Variants in ANTXR2 observed in about 807,000 individuals in gnomAD.
ANTXR2 encodes the protein ANTXR cell adhesion molecule 2, also known as anthrax toxin receptor 2.
ANTXR2 carries 44 observed loss-of-function variants against 73.7 expected under a neutral mutation model. The ratio of observed to expected loss-of-function variants is 0.60; its 90% confidence interval spans 0.47 to 0.77. The LOEUF (loss-of-function observed/expected upper bound fraction) is 0.77, where lower values mean the gene tolerates loss of function less well. Among genes scored for constraint, ANTXR2 ranks in the 30% least tolerant of loss-of-function variants. ANTXR2 has a pLI of 0.00. For missense variants in ANTXR2, 604 were observed against 592.5 expected, an observed-to-expected ratio of 1.02 and a Z score of -0.20; for synonymous variants, 217 against 205.9, an observed-to-expected ratio of 1.05 and a Z score of -0.46.
intron 16 of ANTXR2, 113 bp from the exon 17 acceptor site, chr4:79,907,580 G>T: frequency 8.5e-7 from 1 of 1,175,822 alleles, no homozygotes. Flanking sequence ...AAAGTACCAT[G>T]TTAACTTGAG....
chr4:80,072,969 T>G lies in ANTXR2; in HGVS notation c.-409A>C. ...ACCCACCCCGCCTGGAGGGCTGAAG[T>G]CCCCCCCGCTGCCGTGCGCTTCGGG... On this transcript the variant is annotated 5_prime_UTR_variant, in exon 1 of 17. Transcript: ENST00000403729. 4.8e-5 allele frequency: 8 copies of G among 167,538 alleles called. No individual in the cohort carries two copies. The highest frequency in any genetic ancestry group is 7.6e-5 in the Non-Finnish European group (6 of 78,698). The allele number at this position is 167,538 out of a possible 1,614,324, so 10.4% of individuals were successfully genotyped here.
chr4:80,025,926 C>A (rs895211341), intron 10 of ANTXR2, among the ~76,000 whole-genome samples: 1 of 152,098 alleles, frequency 6.6e-6, no homozygotes, highest in Non-Finnish European at 1.5e-5. Flanking sequence ...CACAGGAAAG[C>A]TGTATTATAA....
Position 79,984,836 on chromosome 4 carries a change from CG to C in ANTXR2, c.1068del (p.Ala357ProfsTer52). Reference protein sequence around the residue: ...KVVIKDPPPPPAPAPKEEEEE... With the variant: ...KVVIKDPPPPXAPAPKEEEEE... ...TCACTTACCTCTTTTGGTGCAGGGG[CG>C]GGTGGTGGTGGAGGATCCTTAATAA... is the stretch of plus-strand genomic sequence containing the variant. On this transcript the variant is annotated frameshift_variant, in exon 13 of 17. Transcript: ENST00000403729. LOFTEE classifies it high-confidence loss of function. 1.9e-6 allele frequency: 3 copies of C among 1,591,302 alleles called. No homozygotes were observed. The highest frequency in any genetic ancestry group is 3.3e-4 in the Middle Eastern group (2 of 6,026).
intron 16 of ANTXR2, among the ~76,000 whole-genome samples, chr4:79,963,427 T>C (rs1214380633): frequency 6.6e-6 from 1 of 152,172 alleles, no homozygotes; most frequent in African/African-American, 2.4e-5. Flanking sequence ...TCAGACTGAA[T>C]ATTCTTGAGA....
intron 12 of ANTXR2, among the ~76,000 whole-genome samples, chr4:79,998,027 C>T (rs530489504): frequency 6.4e-4 from 98 of 151,982 alleles, no homozygotes; most frequent in Admixed American, 2.6e-4. Flanking sequence ...TCAGGCTGCT[C>T]TCAAAGTACC....
chr4:80,034,752 CTATTT>C (rs1732878078), intron 8 of ANTXR2, among the ~76,000 whole-genome samples: 1 of 152,168 alleles, frequency 6.6e-6, no homozygotes, highest in Non-Finnish European at 1.5e-5. Context: ...GGCCTGTTCT[CTATTT>C]TAATTTAACA....
At chr4:79,908,663 T>TCCC (rs1727011492) in intron 16 of ANTXR2, among the ~76,000 whole-genome samples, 1 of 152,212 alleles carries the variant, frequency 6.6e-6, no homozygotes, top group East Asian at 1.9e-4. Context: ...TGCCAATTTT[T>TCCC]ATTACTTACT....
chr4:80,023,647 C>T (rs773377878), intron 10 of ANTXR2, among the ~76,000 whole-genome samples: 1 of 152,004 alleles, frequency 6.6e-6, no homozygotes, highest in African/African-American at 2.4e-5. Context: ...TGCAGGAAGT[C>T]GACTACAGGA....
At chr4:79,914,025 G>A (rs183186580) in intron 16 of ANTXR2, among the ~76,000 whole-genome samples, 44 of 152,014 alleles carry the variant, frequency 2.9e-4, no homozygotes, top group South Asian at 1.0e-3. Flanking sequence ...AGATCTTCTC[G>A]TCGATCTACA....
chr4:79,995,684 C>T (rs180805565), intron 12 of ANTXR2, among the ~76,000 whole-genome samples: 1 of 152,036 alleles, frequency 6.6e-6, no homozygotes, highest in East Asian at 1.9e-4. Flanking sequence ...ATTATATTCA[C>T]CTTATTCCAG....
At chr4:79,927,089 C>A (rs1361966975) in intron 16 of ANTXR2, among the ~76,000 whole-genome samples, 1 of 147,350 alleles carries the variant, frequency 6.8e-6, no homozygotes, top group Non-Finnish European at 1.5e-5. Flanking sequence ...GAATATTATT[C>A]AGCCTTAAAA....
chr4:80,063,806 A>C (rs755247128), intron 3 of ANTXR2, among the ~76,000 whole-genome samples: 17 of 152,204 alleles, frequency 1.1e-4, no homozygotes, highest in Non-Finnish European at 2.4e-4. Context: ...ATTTAATTAT[A>C]GTATCATCAA....
At chr4:80,041,654 T>C (rs1733255608) in intron 7 of ANTXR2, among the ~76,000 whole-genome samples, 1 of 152,028 alleles carries the variant, frequency 6.6e-6, no homozygotes, top group South Asian at 2.1e-4. Flanking sequence ...GTGTGTCTTG[T>C]TCCCCACCCT....
chr4:80,061,163 T>C (rs1734233381), intron 3 of ANTXR2, among the ~76,000 whole-genome samples: 3 of 152,108 alleles, frequency 2.0e-5, no homozygotes, highest in Admixed American at 2.0e-4. Context: ...CCTTAATAAA[T>C]CTTAGGCCTG....
At chr4:80,031,831 A>C in intron 9 of ANTXR2, 139 bp from the exon 10 acceptor site, 2 of 433,806 alleles carry the variant, frequency 4.6e-6, no homozygotes, top group Non-Finnish European at 8.1e-6. Flanking sequence ...CTAAAGAAAG[A>C]GAAGTGAAAG....
intron 11 of ANTXR2, among the ~76,000 whole-genome samples, chr4:80,009,907 G>GA (rs999669812): frequency 2.1e-4 from 32 of 150,036 alleles, no homozygotes; most frequent in Middle Eastern, 3.4e-3. Flanking sequence ...GAACTCTAAA[G>GA]AAAAAAAACA....
At chr4:79,944,538 T>C (rs1219364181) in intron 16 of ANTXR2, among the ~76,000 whole-genome samples, 1 of 150,612 alleles carries the variant, frequency 6.6e-6, no homozygotes, top group African/African-American at 2.4e-5. Flanking sequence ...CTTATACTTG[T>C]GTATAGTTCT....
chr4:79,962,124 A>G (rs1422307983), intron 16 of ANTXR2, among the ~76,000 whole-genome samples: 5 of 152,184 alleles, frequency 3.3e-5, no homozygotes, highest in African/African-American at 9.6e-5. Flanking sequence ...TAATTAAGAG[A>G]TTATTTTATT....
intron 12 of ANTXR2, among the ~76,000 whole-genome samples, chr4:79,990,381 T>TAAAAAAAA (rs1342731992): frequency 3.4e-4 from 2 of 5,856 alleles, no homozygotes; most frequent in Non-Finnish European, 3.6e-4. Flanking sequence ...TAACAACAGT[T>TAAAAAAAA]ACAAAAAAAA....
Sources: gnomAD v4.1 joint callset for allele counts (sites outside exome capture counted in the v4.1 genomes callset) on GRCh38, gnomAD v4.1.1 for gene constraint, MANE v1.5 for transcripts, NCBI Gene and HGNC (gene_info 2026-07-23, HGNC 2026-07-21) for gene names.